IKZF5: variants seen among roughly 807,000 people sequenced by gnomAD.
IKZF5 encodes zinc finger protein Pegasus.
In IKZF5, 4 loss-of-function variants were observed where a neutral mutation model predicts 30.7. That is an observed-to-expected ratio of 0.13 (90% confidence interval 0.06 to 0.30). The LOEUF (loss-of-function observed/expected upper bound fraction) is 0.30, where lower values mean the gene tolerates loss of function less well. Among genes scored for constraint, IKZF5 ranks in the 10% least tolerant of loss-of-function variants. IKZF5 has a pLI of 1.00. For synonymous variants in IKZF5, 148 were observed against 179.6 expected, an observed-to-expected ratio of 0.82 and a Z score of 1.41; for missense variants, 348 against 525.5, an observed-to-expected ratio of 0.66 and a Z score of 3.30.
chr10:122,998,783 C>T (rs949734156), intron 2 of IKZF5, 112 bp from the exon 3 acceptor site: 8 of 458,534 alleles, frequency 1.7e-5, no homozygotes, highest in East Asian at 6.5e-5. Context: ...GCCTGCCTTT[C>T]AGCATCTTAT....
Position 122,992,757 on chromosome 10 carries a change from G to A in IKZF5, c.*1023C>T, listed in dbSNP as rs553350891. 1 of 152,422 alleles carries A rather than the reference G, an allele frequency of 6.6e-6. No homozygotes were observed. Among genetic ancestry groups the A allele is most frequent in the South Asian group, 2.1e-4 (1 of 4,824 alleles). 9.4% of individuals were successfully genotyped at this position (152,422 alleles called of 1,614,324 possible). ...TATTTTAAATGGCTAATTCTGAAGA[G>A]GAGACAAGAATCCATTTTGGACATG... On this transcript the variant is annotated 3_prime_UTR_variant, in exon 5 of 5. Transcript: ENST00000368886.
At chr10:123,007,833 G>T (rs919573906) in intron 1 of IKZF5, among the ~76,000 whole-genome samples, 4 of 152,016 alleles carry the variant, frequency 2.6e-5, no homozygotes. Flanking sequence ...TAGTTCCTAC[G>T]TTTAAAAAAA....
Position 122,998,647 on chromosome 10 carries a change from A to G in IKZF5, c.-22T>C, listed in dbSNP as rs367823215. On this transcript the variant is annotated 5_prime_UTR_variant, in exon 3 of 5. Transcript: ENST00000368886. ...CCATCTTTGCTTTTTTAACATTTAC[A>G]GTTTGTTAGACCTAGAAAACAAAAC... 5 of 1,609,220 alleles carry G rather than the reference A, an allele frequency of 3.1e-6. No individual in the cohort carries two copies. The highest frequency in any genetic ancestry group is 1.1e-5 in the South Asian group (1 of 90,332).
At chr10:122,995,865 C>T (rs919614075) in intron 4 of IKZF5, 129 bp downstream of exon 4, 9 of 822,674 alleles carry the variant, frequency 1.1e-5, no homozygotes, top group Non-Finnish European at 1.5e-5. Context: ...GTAACTTTCC[C>T]ATTTATTCGA....
intron 1 of IKZF5, 25 bp downstream of exon 1, chr10:123,008,669 T>C: frequency 2.5e-6 from 1 of 403,344 alleles, no homozygotes; most frequent in Non-Finnish European, 4.7e-6. Flanking sequence ...GTCGCCGCCG[T>C]CCGAGCCGGC....
At position 122,998,533 on chromosome 10, in the gene IKZF5, T is replaced by C. The variant is rs763723497; in HGVS notation, c.93A>G (p.Gly31=). 39 of 1,613,376 alleles carry C rather than the reference T, an allele frequency of 2.4e-5. No homozygotes were observed. The highest frequency in any genetic ancestry group is 3.1e-5 in the Non-Finnish European group (37 of 1,179,592). ...CTGCTTCTTTGTCCCCACTAACTGA[T>C]CCAGAAATCATGTTCACGTGATGGG... ...QQTHHVNMIS[G]SVSGDKEAEA... is the part of the protein sequence containing the mutation. The change falls in exon 3 of 5, where the codon GGA becomes GGG. Residue 31 remains glycine, a synonymous_variant. Transcript: ENST00000368886.
At chr10:122,999,515 AAGCCACAGACAATAGGC>A (rs1284164447) in intron 2 of IKZF5, among the ~76,000 whole-genome samples, 1 of 152,234 alleles carries the variant, frequency 6.6e-6, no homozygotes, top group Non-Finnish European at 1.5e-5. Context: ...TCACGGTAAG[AAGCCACAGACAATAGGC>A]AGCCACAGAC....
In IKZF5 at chr10:122,998,522, C is replaced by G. The variant is rs1283759076; in HGVS notation, c.104G>C (p.Gly35Ala). The G allele has an allele frequency of 6.2e-7, 1 of 1,613,134 alleles. No individual in the cohort carries two copies. The highest frequency in any genetic ancestry group is 1.3e-5 in the African/African-American group (1 of 74,892). Reference sequence around the variant, plus strand: ...CTGAAGAGCCTCTGCTTCTTTGTCCCCACTAACTGATCCAGAAATCATGTT... The same window carrying G: ...CTGAAGAGCCTCTGCTTCTTTGTCCGCACTAACTGATCCAGAAATCATGTT... The part of the protein sequence containing the change: ...HVNMISGSVS[G>A]DKEAEALQGA... Residue 35 changes from glycine (G) to alanine (A), a missense_variant, in exon 3 of 5, where the codon GGG becomes GCG. This residue lies in a region of IKZF5 where 80 missense variants were observed against 93.2 expected (regional missense o/e 0.86). Transcript: ENST00000368886.
At chr10:123,001,197 G>A (rs1352486574) in intron 2 of IKZF5, among the ~76,000 whole-genome samples, 1 of 151,974 alleles carries the variant, frequency 6.6e-6, no homozygotes, top group Admixed American at 6.6e-5. Flanking sequence ...TAGTAGAGAT[G>A]TGGTTTCACC....
rs1849301120 is a variant in IKZF5 at position 122,994,813 on chromosome 10, G to T, written c.317-90C>A. The T allele has an allele frequency of 1.4e-5, 14 of 1,031,400 alleles. No homozygotes were observed. The highest frequency in any genetic ancestry group is 1.8e-5 in the Non-Finnish European group (13 of 704,228). 63.9% of individuals were successfully genotyped at this position (1,031,400 alleles called of 1,614,324 possible). Reference sequence around the variant, plus strand: ...TCCATTCATTGGACAACTGGAAATTGATCAAAAAGAAAATGCTTTCAGAAA... The same window carrying T: ...TCCATTCATTGGACAACTGGAAATTTATCAAAAAGAAAATGCTTTCAGAAA... On this transcript the variant is annotated intron_variant, in intron 4 of 4. Transcript: ENST00000368886. This position sits in a 1 kb window ranked among gnomAD's most constrained non-coding sequence, Gnocchi z 5.6.
rs963256117 is a variant in IKZF5, at chr10:122,992,473, C to A, written c.*1307G>T. The A allele has an allele frequency of 2.0e-5, 3 of 152,144 alleles. No individual in the cohort carries two copies. The highest frequency in any genetic ancestry group is 4.4e-5 in the Non-Finnish European group (3 of 68,004). The allele number at this position is 152,144 out of a possible 1,614,324, so 9.4% of individuals were successfully genotyped here. ...AGTAACAATGTATTTTATTGTTTGACCAAGCTCTCTTCAGAGTACGTGAGT... is the reference window on the plus strand; with the variant it reads ...AGTAACAATGTATTTTATTGTTTGAACAAGCTCTCTTCAGAGTACGTGAGT... On this transcript the variant is annotated 3_prime_UTR_variant, in exon 5 of 5. Transcript: ENST00000368886.
In IKZF5 at chr10:122,994,208, C is replaced by A; in HGVS notation, c.832G>T (p.Val278Phe). The A allele has an allele frequency of 6.2e-7, 1 of 1,614,118 alleles. No homozygotes were observed. The highest frequency in any genetic ancestry group is 2.2e-5 in the East Asian group (1 of 44,870). ...AAAGGCTTTTCATCAGGGCAGGGAA[C>A]TACATCAGGGGATGCAGGGTTTTGG... Reference protein sequence around the residue: ...ENQNPASPDVVPCPDEKPFMI... With the variant: ...ENQNPASPDVFPCPDEKPFMI... The change falls in exon 5 of 5, where the codon GTT becomes TTT. Residue 278 changes from valine (V) to phenylalanine (F), a missense_variant. By Grantham distance (50) the Val-to-Phe change is conservative. This residue lies in a region of IKZF5 where 176 missense variants were observed against 198.2 expected (regional missense o/e 0.89). Coordinates refer to ENST00000368886, the MANE Select transcript of IKZF5 (RefSeq NM_001372123.1). This position sits in a 1 kb window ranked among gnomAD's most constrained non-coding sequence, Gnocchi z 5.6.
intron 1 of IKZF5, among the ~76,000 whole-genome samples, chr10:123,008,364 C>A (rs1459221365): frequency 6.6e-6 from 1 of 152,152 alleles, no homozygotes; most frequent in Admixed American, 6.5e-5. Flanking sequence ...ACGCAAACCT[C>A]GGGACGCCTC....
In IKZF5 at chr10:123,006,174, C is replaced by T. The variant is rs141124219; in HGVS notation, c.-47+852G>A. On this transcript the variant is annotated intron_variant, in intron 2 of 4. Transcript: ENST00000368886. ...GAAAACAACCAGAGGCTATGCAAGCCGGTAGGGGGAAAAGAGGTATAAGAG... is the reference window on the plus strand; with the variant it reads ...GAAAACAACCAGAGGCTATGCAAGCTGGTAGGGGGAAAAGAGGTATAAGAG... Among the ~76,000 whole-genome samples, 963 of 152,184 alleles carry T rather than the reference C, an allele frequency of 6.3e-3. 9 individuals are homozygous for T. The highest frequency in any genetic ancestry group is 0.021 in the African/African-American group (892 of 41,530).
chr10:123,008,104 T>C (rs1849876955), intron 1 of IKZF5, among the ~76,000 whole-genome samples: 1 of 152,198 alleles, frequency 6.6e-6, no homozygotes, highest in African/African-American at 2.4e-5. Context: ...ACCTGAATAG[T>C]TATTTGCTAC....
At chr10:123,006,179 G>A (rs1849773854) in intron 2 of IKZF5, among the ~76,000 whole-genome samples, 1 of 152,140 alleles carries the variant, frequency 6.6e-6, no homozygotes, top group African/African-American at 2.4e-5. Context: ...CAAGCCGGTA[G>A]GGGGAAAAGA....
chr10:123,008,030 G>A (rs1238194269), intron 1 of IKZF5, among the ~76,000 whole-genome samples: 2 of 152,024 alleles, frequency 1.3e-5, no homozygotes, highest in Non-Finnish European at 2.9e-5. Flanking sequence ...TCCAGTCATC[G>A]AGCATGCTAG....
At chr10:122,995,535 G>A (rs1365650527) in intron 4 of IKZF5, among the ~76,000 whole-genome samples, 1 of 152,178 alleles carries the variant, frequency 6.6e-6, no homozygotes, top group Non-Finnish European at 1.5e-5. Flanking sequence ...ACCTGGTCTT[G>A]GGCAGAGGGC....
In IKZF5 at chr10:122,994,174, T is replaced by C. The variant is rs1212725745; in HGVS notation, c.866A>G (p.Gln289Arg). ...AACTACTGCTTGGGTAGAGGGCTGCTGAATCATGAAAGGCTTTTCATCAGG... is the reference window on the plus strand; with the variant it reads ...AACTACTGCTTGGGTAGAGGGCTGCCGAATCATGAAAGGCTTTTCATCAGG... ...PCPDEKPFMI[Q>R]QPSTQAVVSA... is the part of the protein sequence containing the mutation. The change falls in exon 5 of 5, where the codon CAG (glutamine) becomes CGG (arginine). Residue 289 changes from glutamine (Q) to arginine (R), a missense_variant. This residue lies in a region of IKZF5 where 176 missense variants were observed against 198.2 expected (regional missense o/e 0.89). Coordinates refer to ENST00000368886, the MANE Select transcript of IKZF5 (RefSeq NM_001372123.1). This position sits in a 1 kb window ranked among gnomAD's most constrained non-coding sequence, Gnocchi z 5.6. 2.5e-6 allele frequency: 4 copies of C among 1,614,160 alleles called. No individual in the cohort carries two copies. Among genetic ancestry groups the C allele is most frequent in the Non-Finnish European group, 3.4e-6 (4 of 1,180,026 alleles).
Sources: allele counts gnomAD v4.1 joint callset (sites outside exome capture counted in the v4.1 genomes callset), GRCh38; gene constraint gnomAD v4.1.1; regional missense constraint gnomAD v4.1.1; non-coding constraint Gnocchi (gnomAD v3.1); transcripts MANE v1.5; gene names NCBI Gene and HGNC (gene_info 2026-07-23, HGNC 2026-07-21).